EIF5B: variants seen among roughly 807,000 people sequenced by gnomAD.
EIF5B encodes eIF-5B.
A neutral mutation model predicts 147.5 loss-of-function variants in EIF5B; 47 were observed. That is an observed-to-expected ratio of 0.32 (90% confidence interval 0.25 to 0.41). The LOEUF is 0.41. Ranked by LOEUF, EIF5B falls within the 10% of genes least tolerant of loss-of-function variation. The pLI, the probability that EIF5B is intolerant of heterozygous loss-of-function variation, is 1.00. For missense variants in EIF5B, 1,064 were observed against 1,413.2 expected, an observed-to-expected ratio of 0.75 and a Z score of 3.96; for synonymous variants, 455 against 456.2, an observed-to-expected ratio of 1.00 and a Z score of 0.03.
chr2:99,400,237 C>CTGTT lies in EIF5B; in HGVS notation c.*825_*828dup, dbSNP rs1675196821. The stretch of plus-strand genomic sequence containing the variant: ...AATCTTGATCTGTTTTAATCTTGAT[C>CTGTT]TGTTTTAGTAGAGATTTTTATACAT... On this transcript the variant is annotated 3_prime_UTR_variant, in exon 24 of 24. Coordinates refer to ENST00000289371, the MANE Select transcript of EIF5B (RefSeq NM_015904.4). 1 of 149,700 alleles carries CTGTT rather than the reference C, an allele frequency of 6.7e-6. No individual in the cohort carries two copies. The highest frequency in any genetic ancestry group is 2.5e-5 in the African/African-American group (1 of 39,250). The allele number at this position is 149,700 out of a possible 1,614,324, so 9.3% of individuals were successfully genotyped here. A position where few individuals can be genotyped will look rare whatever the true frequency, so the allele number is the denominator to read the frequency against.
rs960663011 is a variant in EIF5B at position 99,396,673 on chromosome 2, G to A, written c.3255-87G>A. On this transcript the variant is annotated intron_variant, in intron 21 of 23. Coordinates refer to ENST00000289371, the MANE Select transcript of EIF5B (RefSeq NM_015904.4). ...CTGGGGAAAGCTGCTTTCCTCTAATGGGAGAAGCCTGATGTTCAGCTGCAG... is the reference window on the plus strand; with the variant it reads ...CTGGGGAAAGCTGCTTTCCTCTAATAGGAGAAGCCTGATGTTCAGCTGCAG... 5 of 1,480,516 alleles carry A rather than the reference G, an allele frequency of 3.4e-6. No individual in the cohort carries two copies. In the East Asian group the frequency reaches 9.2e-5, roughly 27 times the overall value. The allele number at this position is 1,480,516 out of a possible 1,614,324, so 91.7% of individuals were successfully genotyped here. A position where few individuals can be genotyped will look rare whatever the true frequency, so the allele number is the denominator to read the frequency against.
rs1270153781 is a variant in EIF5B at position 99,369,463 on chromosome 2, C to CCA, written c.1461_1462dup (p.Pro488HisfsTer32). ...AGGAGTACCAGAAAAGGAAGAGACA[C>CCA]CACCTCCTGTTGAACCAGGCGGGTA... On this transcript the variant is annotated frameshift_variant, in exon 8 of 24. Transcript: ENST00000289371. LOFTEE classifies it high-confidence loss of function. The CCA allele has an allele frequency of 6.2e-7, 1 of 1,609,680 alleles. No homozygotes were observed. The highest frequency in any genetic ancestry group is 1.3e-5 in the African/African-American group (1 of 74,792).
At chr2:99,387,484 TCC>T (rs1674837591) in intron 14 of EIF5B, among the ~76,000 whole-genome samples, 1 of 152,238 alleles carries the variant, frequency 6.6e-6, no homozygotes, top group African/African-American at 2.4e-5. Context: ...ATATGTCTGT[TCC>T]TAGAATTTAT....
chr2:99,368,278 C>T (rs921813094), intron 6 of EIF5B, among the ~76,000 whole-genome samples: 1 of 152,228 alleles, frequency 6.6e-6, no homozygotes, highest in African/African-American at 2.4e-5. Flanking sequence ...TGGTGATACA[C>T]GTATCAAAAC....
chr2:99,376,505 G>A lies in EIF5B; in HGVS notation c.1711G>A (p.Asp571Asn). Residue 571 changes from aspartate to asparagine, a missense_variant, in exon 10 of 24, where the codon GAT becomes AAT. Physicochemically the swap from Asp to Asn is conservative, Grantham distance 23. Transcript: ENST00000289371. Reference protein sequence around the residue: ...EGDEEDEKVSDEKDSGKTLDK... With the variant: ...EGDEEDEKVSNEKDSGKTLDK... ...TGATGAGGAAGATGAAAAGGTGTCAGATGAGAAGGATTCAGGGAAGACATT... is the reference window on the plus strand; with the variant it reads ...TGATGAGGAAGATGAAAAGGTGTCAAATGAGAAGGATTCAGGGAAGACATT... 4 of 1,614,008 alleles carry A rather than the reference G, an allele frequency of 2.5e-6. No homozygotes were observed. Among genetic ancestry groups the A allele is most frequent in the Non-Finnish European group, 3.4e-6 (4 of 1,179,966 alleles).
At position 99,364,355 on chromosome 2, in the gene EIF5B, T is replaced by C. The variant is rs771982513; in HGVS notation, c.1222T>C (p.Leu408=). Residue 408 remains leucine (L), a synonymous_variant, in exon 6 of 24, where the codon TTA becomes CTA. Transcript: ENST00000289371. ...ACGCTTGAAAAAAGAAGGGAAACTT[T>C]TAACTAAATCCCAGAGAGAAGCCAG... The part of the protein sequence containing the change: ...KERLKKEGKL[L]TKSQREARAR... 113 of 1,610,646 alleles carry C rather than the reference T, an allele frequency of 7.0e-5. No individual in the cohort carries two copies. The highest frequency in any genetic ancestry group is 9.1e-5 in the Non-Finnish European group (107 of 1,179,228).
chr2:99,337,769 C>G (rs1003899953), intron 1 of EIF5B, among the ~76,000 whole-genome samples, 180 bp downstream of exon 1: 10 of 152,126 alleles, frequency 6.6e-5, no homozygotes, highest in Non-Finnish European at 1.2e-4. Context: ...CACGTAGGGC[C>G]TCGACGGCGG....
In EIF5B at chr2:99,396,712, G is replaced by GT. The variant is rs1282576391; in HGVS notation, c.3255-45dup. On this transcript the variant is annotated intron_variant, in intron 21 of 23. Coordinates refer to ENST00000289371, the MANE Select transcript of EIF5B (RefSeq NM_015904.4). ...GTTCAGCTGCAGTTTTTCTTTTTAT[G>GT]TTTAAGTGATTCTGTAAGCTTAAAA... The GT allele has an allele frequency of 1.9e-6, 3 of 1,549,414 alleles. No individual in the cohort carries two copies. The African/African-American group carries it at 4.2e-5, about 21-fold the overall frequency.
At chr2:99,398,380 T>TC (rs1675109162) in intron 22 of EIF5B, 2 of 165,716 alleles carry the variant, frequency 1.2e-5, no homozygotes. Flanking sequence ...CTGACTTCAT[T>TC]CCCATCAGCC....
At chr2:99,352,199 T>C (rs989940491) in intron 1 of EIF5B, among the ~76,000 whole-genome samples, 9 of 152,184 alleles carry the variant, frequency 5.9e-5, no homozygotes, top group African/African-American at 2.2e-4. Context: ...GCTTTTCTTT[T>C]CTTCATTTTT....
intron 1 of EIF5B, among the ~76,000 whole-genome samples, chr2:99,340,964 CA>C (rs1211684380): frequency 6.6e-6 from 1 of 152,140 alleles, no homozygotes; most frequent in Non-Finnish European, 1.5e-5. Context: ...AGGGTTTCAC[CA>C]TGTTGGCTGC....
At chr2:99,398,043 A>G (rs892794180) in intron 22 of EIF5B, 1 of 151,960 alleles carries the variant, frequency 6.6e-6, no homozygotes, top group African/African-American at 2.4e-5. Flanking sequence ...CAGCAGTCTG[A>G]GCATCATCTT....
chr2:99,351,710 G>GT (rs1673969663), intron 1 of EIF5B, among the ~76,000 whole-genome samples: 1 of 151,252 alleles, frequency 6.6e-6, no homozygotes, highest in East Asian at 1.9e-4. Flanking sequence ...TTGTTTGTTT[G>GT]TTTTTGAGAC....
At chr2:99,375,467 T>C (rs879690393) in intron 9 of EIF5B, among the ~76,000 whole-genome samples, 2 of 152,216 alleles carry the variant, frequency 1.3e-5, no homozygotes, top group Non-Finnish European at 2.9e-5. Context: ...CTCTTCATGA[T>C]TGTACCCCAC....
chr2:99,368,214 A>T (rs1674369613), intron 6 of EIF5B, among the ~76,000 whole-genome samples: 1 of 152,236 alleles, frequency 6.6e-6, no homozygotes, highest in Admixed American at 6.5e-5. Flanking sequence ...GTTTGATTAC[A>T]TGGAGCAGCA....
chr2:99,392,983 A>G lies in EIF5B; in HGVS notation c.2765A>G (p.His922Arg), dbSNP rs200197574. 12 of 1,550,746 alleles carry G rather than the reference A, an allele frequency of 7.7e-6. No individual in the cohort carries two copies. Among genetic ancestry groups the G allele is most frequent in the African/African-American group, 4.2e-5 (3 of 71,672 alleles). ...ELRVKNQYEK[H>R]KEVEAAQGVK... ...TCTCTGTAGAACCAGTATGAAAAGC[A>G]TAAAGAAGTAGAAGCAGCTCAGGGG... Residue 922 changes from histidine to arginine, a missense_variant, in exon 18 of 24, where the codon CAT becomes CGT. By Grantham distance (29) the His-to-Arg change is conservative. This residue lies in a region of EIF5B where 380 missense variants were observed against 715.6 expected (regional missense o/e 0.53). Transcript: ENST00000289371.
chr2:99,360,998 T>A (rs974387072), intron 3 of EIF5B, 150 bp from the exon 4 acceptor site: 2 of 878,120 alleles, frequency 2.3e-6, no homozygotes, highest in Non-Finnish European at 3.2e-6. Flanking sequence ...CCTCTCTTGC[T>A]TGTTTGAATT....
In EIF5B at chr2:99,361,706, CA is replaced by C; in HGVS notation, c.809del (p.Lys270ArgfsTer12). The C allele has an allele frequency of 6.3e-7, 1 of 1,599,174 alleles. No individual in the cohort carries two copies. The part of the protein sequence containing the change: ...LETGKKDQSK[Q>X]KESQRKFEEE... Reference sequence around the variant, plus strand: ...AACAGGTAAAAAGGATCAGAGTAAACAAAAGGAATCTCAAAGGAAATTTGAA... The same window carrying C: ...AACAGGTAAAAAGGATCAGAGTAAACAAAGGAATCTCAAAGGAAATTTGAA... On this transcript the variant is annotated frameshift_variant, in exon 4 of 24. Coordinates refer to ENST00000289371, the MANE Select transcript of EIF5B (RefSeq NM_015904.4). LOFTEE classifies it high-confidence loss of function.
At chr2:99,375,943 A>T (rs1363692218) in intron 9 of EIF5B, among the ~76,000 whole-genome samples, 1 of 152,002 alleles carries the variant, frequency 6.6e-6, no homozygotes, top group African/African-American at 2.4e-5. Context: ...ATTCCAAATT[A>T]AAAAAAATAT....
Sources: gnomAD v4.1 joint callset for allele counts (sites outside exome capture counted in the v4.1 genomes callset) on GRCh38, gnomAD v4.1.1 for gene constraint, gnomAD v4.1.1 regional missense constraint, MANE v1.5 for transcripts, NCBI Gene and HGNC (gene_info 2026-07-23, HGNC 2026-07-21) for gene names.